The following LRMDA variants were observed in gnomAD, a reference collection of about 807,000 sequenced individuals.
LRMDA encodes leucine rich melanocyte differentiation associated, also known as leucine-rich melanocyte differentiation-associated protein.
A neutral mutation model predicts 29.8 loss-of-function variants in LRMDA; 18 were observed. That is an observed-to-expected ratio of 0.60 (90% CI 0.42 to 0.90). The LOEUF (loss-of-function observed/expected upper bound fraction) is 0.90, where lower values mean the gene tolerates loss of function less well. Ranked by LOEUF, LRMDA falls within the 40% of genes least tolerant of loss-of-function variation. The pLI is 0.00. For missense variants in LRMDA, 273 were observed against 273.9 expected (o/e 1.00, Z 0.02); for synonymous variants, 125 against 109.4 (o/e 1.14, Z -0.89).
intron 2 of LRMDA, among the ~76,000 whole-genome samples, chr10:76,032,127 T>G (rs759643911): frequency 7.2e-5 from 11 of 152,324 alleles, no homozygotes; most frequent in Admixed American, 2.6e-4. Context: ...TGCCCAAGGC[T>G]GCCAGCCCTA....
At chr10:75,901,006 C>T (rs1028463947) in intron 2 of LRMDA, among the ~76,000 whole-genome samples, 11 of 152,138 alleles carry the variant, frequency 7.2e-5, no homozygotes, top group African/African-American at 1.2e-4. Flanking sequence ...TGATCCCCTA[C>T]GTAGAGCCAG....
At chr10:75,912,875 G>C (rs1845864149) in intron 2 of LRMDA, among the ~76,000 whole-genome samples, 1 of 152,166 alleles carries the variant, frequency 6.6e-6, no homozygotes, top group Non-Finnish European at 1.5e-5. Context: ...ACTGAGGAGA[G>C]ACAAGTGTGA....
chr10:75,616,910 G>T (rs1841110478), intron 2 of LRMDA, among the ~76,000 whole-genome samples: 1 of 152,156 alleles, frequency 6.6e-6, no homozygotes, highest in Non-Finnish European at 1.5e-5. Context: ...TTTCCTCTTT[G>T]CAGTTTCAGT....
At chr10:75,441,508 T>C (rs1392594038) in intron 2 of LRMDA, among the ~76,000 whole-genome samples, 4 of 152,188 alleles carry the variant, frequency 2.6e-5, no homozygotes, top group Non-Finnish European at 4.4e-5. Context: ...CAGCAGGAGA[T>C]AAGGTTGAGA....
At chr10:75,636,440 A>C (rs755534748) in intron 2 of LRMDA, among the ~76,000 whole-genome samples, 1 of 152,232 alleles carries the variant, frequency 6.6e-6, no homozygotes, top group Admixed American at 6.5e-5. Flanking sequence ...GAGGTAATGC[A>C]TTTAGCACAA....
At chr10:75,934,620 G>A in intron 2 of LRMDA, among the ~76,000 whole-genome samples, 1 of 152,176 alleles carries the variant, frequency 6.6e-6, no homozygotes, top group East Asian at 1.9e-4. Context: ...TGTGCTCCTG[G>A]CTAGTGGGGA....
chr10:76,207,997 C>G (rs16933035), intron 5 of LRMDA, among the ~76,000 whole-genome samples: 2,254 of 152,176 alleles, frequency 0.015, 58 homozygotes, highest in African/African-American at 0.048. Context: ...TGTTCCTGTT[C>G]CCAGTGAGAA....
intron 2 of LRMDA, among the ~76,000 whole-genome samples, chr10:75,527,338 C>A (rs1353245134): frequency 1.3e-5 from 2 of 152,136 alleles, no homozygotes; most frequent in Non-Finnish European, 2.9e-5. Context: ...ATGAATAATG[C>A]TACTGTGAAC....
intron 5 of LRMDA, among the ~76,000 whole-genome samples, chr10:76,160,200 G>T (rs1472687516): frequency 6.6e-6 from 1 of 150,996 alleles, no homozygotes; most frequent in Non-Finnish European, 1.5e-5. Flanking sequence ...TGCTCTAAGA[G>T]AAGTCTTTTT....
At chr10:75,583,425 G>C (rs1245120002) in intron 2 of LRMDA, among the ~76,000 whole-genome samples, 1 of 152,122 alleles carries the variant, frequency 6.6e-6, no homozygotes. Context: ...ACATGGCTGG[G>C]AGCAGAAGGA....
chr10:76,522,874 G>C (rs2132363726), intron 6 of LRMDA, among the ~76,000 whole-genome samples: 1 of 152,232 alleles, frequency 6.6e-6, no homozygotes, highest in East Asian at 1.9e-4. Flanking sequence ...AGCCGCCTGA[G>C]CAGTTATATT....
chr10:75,454,801 G>T (rs1337497458), intron 2 of LRMDA, among the ~76,000 whole-genome samples: 1 of 152,130 alleles, frequency 6.6e-6, no homozygotes, highest in Non-Finnish European at 1.5e-5. Flanking sequence ...TTCAGGCTGG[G>T]CTTTGGCAAG....
intron 2 of LRMDA, among the ~76,000 whole-genome samples, chr10:75,702,555 T>G (rs1362666485): frequency 6.6e-6 from 1 of 152,132 alleles, no homozygotes; most frequent in African/African-American, 2.4e-5. Flanking sequence ...CGAGGCCAAC[T>G]GTGGAAGGAT....
intron 2 of LRMDA, among the ~76,000 whole-genome samples, chr10:75,575,707 C>T (rs1157852532): frequency 6.6e-6 from 1 of 152,150 alleles, no homozygotes; most frequent in East Asian, 1.9e-4. Context: ...ACAGTGGGTG[C>T]AGCCCAAGGA....
chr10:75,802,106 C>T (rs1419487379), intron 2 of LRMDA, among the ~76,000 whole-genome samples: 1 of 152,064 alleles, frequency 6.6e-6, no homozygotes, highest in Non-Finnish European at 1.5e-5. Flanking sequence ...TTCTTGAGCT[C>T]AGAAGTTCAA....
At chr10:76,171,408 G>A (rs1850834171) in intron 5 of LRMDA, among the ~76,000 whole-genome samples, 1 of 152,206 alleles carries the variant, frequency 6.6e-6, no homozygotes, top group South Asian at 2.1e-4. Context: ...CAAAGTGCTG[G>A]GATTACAGGC....
chr10:75,792,361 T>C (rs990054348), intron 2 of LRMDA, among the ~76,000 whole-genome samples: 2 of 152,028 alleles, frequency 1.3e-5, no homozygotes, highest in Non-Finnish European at 2.9e-5. Context: ...GCCTCCCGGG[T>C]TCAAGTGATT....
At position 75,862,217 on chromosome 10, in the gene LRMDA, T is replaced by G. The variant is rs566089562; in HGVS notation, c.132-173791T>G. Reference sequence around the variant, plus strand: ...ACACACACACACACACACACGCACTTAAGTCAGTTTAATGTTTGAGCATGA... The same window carrying G: ...ACACACACACACACACACACGCACTGAAGTCAGTTTAATGTTTGAGCATGA... On this transcript the variant is annotated intron_variant, in intron 2 of 6. Transcript: ENST00000611255. 2.4e-5 allele frequency among the ~76,000 whole-genome samples: 3 copies of G among 122,522 alleles called. No individual in the cohort carries two copies. In the South Asian group the frequency reaches 8.6e-4, roughly 35 times the overall value. 80.4% of individuals were successfully genotyped at this position (122,522 alleles called of 152,430 possible). A position where few individuals can be genotyped will look rare whatever the true frequency, so the allele number is the denominator to read the frequency against.
chr10:75,467,458 G>A (rs1844666873), intron 2 of LRMDA, among the ~76,000 whole-genome samples: 1 of 152,182 alleles, frequency 6.6e-6, no homozygotes, highest in South Asian at 2.1e-4. Context: ...CTCGCCCTCT[G>A]TGCCTCTTAT....
Sources: gnomAD v4.1 joint callset for allele counts (sites outside exome capture counted in the v4.1 genomes callset) on GRCh38, gnomAD v4.1.1 for gene constraint, MANE v1.5 for transcripts, NCBI Gene and HGNC (gene_info 2026-07-23, HGNC 2026-07-21) for gene names.